Variants in KCTD8 observed in about 807,000 individuals in gnomAD.
KCTD8 encodes potassium channel tetramerization domain containing 8.
A neutral mutation model predicts 31.5 loss-of-function variants in KCTD8; 27 were observed. That is an observed-to-expected ratio of 0.86 (90% CI 0.63 to 1.18). The LOEUF is 1.18. Ranked by LOEUF, KCTD8 falls within the 50% of genes most tolerant of loss-of-function variation. KCTD8 has a pLI of 0.00. For synonymous variants in KCTD8, 290 were observed against 280.0 expected (o/e 1.04, Z -0.36); for missense variants, 658 against 647.7 (o/e 1.02, Z -0.17).
chr4:44,300,896 G>A (rs1207606335), intron 1 of KCTD8, among the ~76,000 whole-genome samples: 1 of 125,248 alleles, frequency 8.0e-6, no homozygotes. Flanking sequence ...TCCCCAGAGT[G>A]TGATGTTCCC....
chr4:44,226,317 T>C (rs1714960792), intron 1 of KCTD8, among the ~76,000 whole-genome samples: 1 of 152,166 alleles, frequency 6.6e-6, no homozygotes, highest in Admixed American at 6.5e-5. Context: ...CTGTGTTAGT[T>C]TGCTGAGAAT....
intron 1 of KCTD8, among the ~76,000 whole-genome samples, chr4:44,190,639 T>C (rs1713737497): frequency 6.6e-6 from 1 of 152,198 alleles, no homozygotes; most frequent in South Asian, 2.1e-4. Flanking sequence ...ATGAAATCTC[T>C]GGAATACTTC....
intron 1 of KCTD8, among the ~76,000 whole-genome samples, chr4:44,324,760 G>T (rs1282794054): frequency 3.3e-5 from 5 of 151,888 alleles, no homozygotes. Flanking sequence ...TGATAAACAT[G>T]TTATTTTCTT....
At chr4:44,276,243 C>G (rs1454963274) in intron 1 of KCTD8, among the ~76,000 whole-genome samples, 1 of 151,996 alleles carries the variant, frequency 6.6e-6, no homozygotes, top group African/African-American at 2.4e-5. Flanking sequence ...CCTGAAAACA[C>G]TTTTCATTCA....
chr4:44,310,913 C>T (rs1717931967), intron 1 of KCTD8, among the ~76,000 whole-genome samples: 1 of 152,034 alleles, frequency 6.6e-6, no homozygotes, highest in East Asian at 1.9e-4. Context: ...CCATTTATTT[C>T]ACACTAGCTG....
chr4:44,373,785 T>A (rs967178630), intron 1 of KCTD8, among the ~76,000 whole-genome samples: 2 of 152,110 alleles, frequency 1.3e-5, no homozygotes, highest in Non-Finnish European at 2.9e-5. Flanking sequence ...TACTTTCCCA[T>A]GCCACATTCC....
intron 1 of KCTD8, among the ~76,000 whole-genome samples, chr4:44,340,382 T>G (rs1436587779): frequency 6.6e-6 from 1 of 151,484 alleles, no homozygotes; most frequent in Non-Finnish European, 1.5e-5. Context: ...CACTGTAAGC[T>G]CCACCTCCTG....
chr4:44,403,617 T>G (rs1720718242), intron 1 of KCTD8, among the ~76,000 whole-genome samples: 1 of 152,090 alleles, frequency 6.6e-6, no homozygotes, highest in African/African-American at 2.4e-5. Context: ...ACATATTAGG[T>G]GTCTTTTTGT....
intron 1 of KCTD8, among the ~76,000 whole-genome samples, chr4:44,325,257 T>C (rs1215276401): frequency 2.0e-5 from 3 of 151,708 alleles, no homozygotes; most frequent in Non-Finnish European, 4.4e-5. Flanking sequence ...CAGGAGAAAT[T>C]CAAAGTGAAG....
intron 1 of KCTD8, among the ~76,000 whole-genome samples, chr4:44,199,076 G>T (rs1056066102): frequency 3.3e-5 from 5 of 152,022 alleles, no homozygotes; most frequent in African/African-American, 4.8e-5. Context: ...AATAAAAAAA[G>T]GTTCACTTCA....
chr4:44,447,053 G>C (rs941495151), intron 1 of KCTD8, among the ~76,000 whole-genome samples: 1 of 152,168 alleles, frequency 6.6e-6, no homozygotes, highest in South Asian at 2.1e-4. Flanking sequence ...GTAACTGGAG[G>C]CTCCCGCGCG....
intron 1 of KCTD8, among the ~76,000 whole-genome samples, chr4:44,313,975 G>A (rs1359808411): frequency 2.0e-5 from 3 of 152,300 alleles, no homozygotes; most frequent in Middle Eastern, 3.4e-3. Context: ...GGCTCAAGAG[G>A]TAAATCAGTG....
intron 1 of KCTD8, among the ~76,000 whole-genome samples, chr4:44,365,593 C>G (rs754179499): frequency 5.9e-5 from 9 of 151,958 alleles, no homozygotes; most frequent in Non-Finnish European, 1.0e-4. Flanking sequence ...TTTCTAAAGG[C>G]AAAAAATAGT....
At chr4:44,244,032 G>C (rs1208803198) in intron 1 of KCTD8, among the ~76,000 whole-genome samples, 1 of 152,086 alleles carries the variant, frequency 6.6e-6, no homozygotes, top group Non-Finnish European at 1.5e-5. Context: ...TTCTCAGGTA[G>C]GGTTGCCAGA....
intron 1 of KCTD8, among the ~76,000 whole-genome samples, chr4:44,299,743 G>A (rs535583090): frequency 5.0e-4 from 76 of 151,594 alleles, no homozygotes; most frequent in Non-Finnish European, 4.3e-4. Context: ...AAAAAAGGTG[G>A]TGCCTTAGGT....
intron 1 of KCTD8, among the ~76,000 whole-genome samples, chr4:44,411,207 T>C (rs1372343217): frequency 6.6e-6 from 1 of 152,000 alleles, no homozygotes; most frequent in Non-Finnish European, 1.5e-5. Flanking sequence ...TAGTGGCTCA[T>C]GCCCATCTCT....
At chr4:44,262,841 C>T (rs1025493293) in intron 1 of KCTD8, among the ~76,000 whole-genome samples, 8 of 152,080 alleles carry the variant, frequency 5.3e-5, no homozygotes, top group Non-Finnish European at 1.2e-4. Context: ...AATAATGTAA[C>T]AGCATATTCA....
At chr4:44,245,473 C>T (rs867465310) in intron 1 of KCTD8, among the ~76,000 whole-genome samples, 1 of 152,022 alleles carries the variant, frequency 6.6e-6, no homozygotes, top group African/African-American at 2.4e-5. Flanking sequence ...CCTGTGTTAA[C>T]ATACATGTAG....
chr4:44,416,445 T>C (rs1721079722), intron 1 of KCTD8, among the ~76,000 whole-genome samples: 1 of 152,110 alleles, frequency 6.6e-6, no homozygotes, highest in Non-Finnish European at 1.5e-5. Flanking sequence ...AGGAATTACA[T>C]GGTTTGGATA....
Sources: gnomAD v4.1 joint callset for allele counts (sites outside exome capture counted in the v4.1 genomes callset) on GRCh38, gnomAD v4.1.1 for gene constraint, MANE v1.5 for transcripts, NCBI Gene and HGNC (gene_info 2026-07-23, HGNC 2026-07-21) for gene names.